Variants in NEK4 observed in about 807,000 individuals in gnomAD.
The protein encoded by NEK4 is NIMA related kinase 4, also known as serine/threonine-protein kinase Nek4.
Under a neutral mutation model 98.4 loss-of-function variants are expected in NEK4, and 86 were observed. The ratio of observed to expected loss-of-function variants is 0.87; its 90% CI spans 0.73 to 1.05. NEK4 has a LOEUF of 1.05. Ranked by LOEUF, NEK4 falls within the 50% of genes least tolerant of loss-of-function variation. The pLI, the probability that NEK4 is intolerant of heterozygous loss-of-function variation, is 0.00. For synonymous variants in NEK4, 328 were observed against 342.2 expected (o/e 0.96, Z 0.46); for missense variants, 898 against 950.3 (o/e 0.94, Z 0.72).
At chr3:52,722,731 C>T (rs1041600259) in intron 15 of NEK4, among the ~76,000 whole-genome samples, 1 of 151,772 alleles carries the variant, frequency 6.6e-6, no homozygotes, top group Non-Finnish European at 1.5e-5. Context: ...GGCGAAACCC[C>T]GTCTCTACAA....
At chr3:52,737,374 A>C (rs763377621) in intron 15 of NEK4, 2 of 465,124 alleles carry the variant, frequency 4.3e-6, no homozygotes, top group East Asian at 3.1e-5. Flanking sequence ...GACCATGGGG[A>C]GTGACTGCTA....
intron 6 of NEK4, chr3:52,753,398 G>T (rs1578682311): frequency 2.8e-6 from 1 of 353,496 alleles, no homozygotes; most frequent in African/African-American, 2.1e-5. Context: ...AAAGGTGATA[G>T]GCAGCTGGGA....
chr3:52,753,872 C>T (rs2097409982), intron 6 of NEK4: 1 of 365,412 alleles, frequency 2.7e-6, no homozygotes. Context: ...CAGACTTTAT[C>T]AAGATGGCAT....
Position 52,766,241 on chromosome 3 carries a change from G to A in NEK4, c.495C>T (p.Thr165=), listed in dbSNP as rs766829666. ...VLENHCDMAS[T]LIGTPYYMSP... ...TCATGTAGTAGGGTGTGCCAATGAG[G>A]GTGCTAGCCATGTCACAGTGGTTCT... Residue 165 remains threonine (T), a synonymous_variant, in exon 3 of 16, where the codon ACC becomes ACT. Transcript: ENST00000233027. 4.3e-6 allele frequency: 7 copies of A among 1,614,006 alleles called. No homozygotes were observed. In the South Asian group the frequency reaches 6.6e-5, roughly 15 times the overall value.
chr3:52,725,914 T>C (rs983997766), intron 15 of NEK4, among the ~76,000 whole-genome samples: 4 of 152,038 alleles, frequency 2.6e-5, no homozygotes, highest in African/African-American at 4.8e-5. Context: ...TCTCCAAAGA[T>C]AGAAATTGGC....
chr3:52,735,202 AG>A (rs1331387148), intron 15 of NEK4, among the ~76,000 whole-genome samples: 1 of 152,360 alleles, frequency 6.6e-6, no homozygotes, highest in African/African-American at 2.4e-5. Flanking sequence ...ATAGATACTA[AG>A]ATTCATCTTT....
intron 15 of NEK4, among the ~76,000 whole-genome samples, chr3:52,730,414 G>C (rs1218720106): frequency 6.6e-6 from 1 of 152,196 alleles, no homozygotes; most frequent in African/African-American, 2.4e-5. Context: ...AGGAGGAAGG[G>C]GTAATTCCTG....
intron 1 of NEK4, among the ~76,000 whole-genome samples, chr3:52,769,960 T>C (rs922181009): frequency 6.6e-6 from 1 of 152,178 alleles, no homozygotes; most frequent in African/African-American, 2.4e-5. Context: ...GGCGACCAGT[T>C]GGGAAACCGT....
chr3:52,746,134 T>G lies in NEK4; in HGVS notation c.1754A>C (p.Glu585Ala), dbSNP rs1490324543. 1 of 1,614,064 alleles carries G rather than the reference T, an allele frequency of 6.2e-7. No homozygotes were observed. Among genetic ancestry groups the G allele is most frequent in the Non-Finnish European group, 8.5e-7 (1 of 1,179,992 alleles). ...GKVDVTSTQK[E>A]AENQRRVVTG... ...GACCACTCTACGTTGGTTTTCAGCC[T>G]CTTTTTGTGTTGATGTGACATCCAC... The change falls in exon 10 of 16, where the codon GAG (glutamate) becomes GCG (alanine). Residue 585 changes from glutamate (E) to alanine (A), a missense_variant. Coordinates refer to ENST00000233027, the MANE Select transcript of NEK4 (RefSeq NM_003157.6).
At position 52,760,798 on chromosome 3, in the gene NEK4, T is replaced by C. The variant is rs1384285813; in HGVS notation, c.960A>G (p.Ile320Met). Reference protein sequence around the residue: ...PLSSEGSQTYIMGEGKCLSQE... With the variant: ...PLSSEGSQTYMMGEGKCLSQE... The stretch of plus-strand genomic sequence containing the variant: ...TACCCTTTAAAAAGAAACGTACCAT[T>C]ATATATGTCTGGGAGCCCTCAGAAG... The change falls in exon 6 of 16, where the codon ATA becomes ATG. Residue 320 changes from isoleucine (I) to methionine (M), a missense_variant. Coordinates refer to ENST00000233027, the MANE Select transcript of NEK4 (RefSeq NM_003157.6). The C allele has an allele frequency of 1.2e-6, 2 of 1,601,216 alleles. No homozygotes were observed. Among genetic ancestry groups the C allele is most frequent in the Non-Finnish European group, 1.7e-6 (2 of 1,174,816 alleles).
Position 52,744,407 on chromosome 3 carries a change from TGGATGC to T in NEK4, c.1828-108_1828-103del, listed in dbSNP as rs1578662165. On this transcript the variant is annotated intron_variant, in intron 10 of 15. Coordinates refer to ENST00000233027, the MANE Select transcript of NEK4 (RefSeq NM_003157.6). ...TCAGCATTAAGAAAAAGGTCTGAGC[TGGATGC>T]GGTGGCTCACACTTGTAATCCCAGC... The T allele has an allele frequency of 1.4e-5, 13 of 914,620 alleles. No individual in the cohort carries two copies. In the East Asian group the frequency reaches 3.2e-4, roughly 22 times the overall value. The allele number at this position is 914,620 out of a possible 1,614,324, so 56.7% of individuals were successfully genotyped here. A position where few individuals can be genotyped will look rare whatever the true frequency, so the allele number is the denominator to read the frequency against.
chr3:52,708,678 AT>A lies in NEK4; in HGVS notation c.*3098del, dbSNP rs2097347258. On this transcript the variant is annotated 3_prime_UTR_variant, in exon 16 of 16. Coordinates refer to ENST00000233027, the MANE Select transcript of NEK4 (RefSeq NM_003157.6). Reference sequence around the variant, plus strand: ...AAATTTAATAGACAAGTGATTTTGTATTTAACATTTCACCTTTATTGAATGC... The same window carrying A: ...AAATTTAATAGACAAGTGATTTTGTATTAACATTTCACCTTTATTGAATGC... The A allele has an allele frequency of 6.6e-6, 1 of 152,186 alleles. No homozygotes were observed. Among genetic ancestry groups the A allele is most frequent in the Admixed American group, 6.5e-5 (1 of 15,270 alleles). 9.4% of individuals were successfully genotyped at this position (152,186 alleles called of 1,614,324 possible).
intron 15 of NEK4, among the ~76,000 whole-genome samples, chr3:52,723,432 C>T (rs941814146): frequency 5.3e-5 from 8 of 151,688 alleles, no homozygotes; most frequent in Admixed American, 3.3e-4. Context: ...TTAGTGTAGA[C>T]GGGGTTTTAC....
chr3:52,711,757 C>G lies in NEK4; in HGVS notation c.*20G>C, dbSNP rs1561278637. 4.0e-6 allele frequency: 6 copies of G among 1,504,376 alleles called. No homozygotes were observed. Among genetic ancestry groups the G allele is most frequent in the Non-Finnish European group, 4.6e-6 (5 of 1,083,892 alleles). The allele number at this position is 1,504,376 out of a possible 1,614,324, so 93.2% of individuals were successfully genotyped here. ...TCTAAAAATAGGTCTTTAATTCTGG[C>G]AGCAGATTAGGACAAATGCTCAAAA... is the stretch of plus-strand genomic sequence containing the variant. On this transcript the variant is annotated 3_prime_UTR_variant, in exon 16 of 16. Coordinates refer to ENST00000233027, the MANE Select transcript of NEK4 (RefSeq NM_003157.6).
chr3:52,709,371 G>A lies in NEK4; in HGVS notation c.*2406C>T, dbSNP rs2097348066. The A allele has an allele frequency of 6.6e-6, 1 of 151,968 alleles. No homozygotes were observed. The highest frequency in any genetic ancestry group is 1.5e-5 in the Non-Finnish European group (1 of 67,986). The allele number at this position is 151,968 out of a possible 1,614,324, so 9.4% of individuals were successfully genotyped here. A position where few individuals can be genotyped will look rare whatever the true frequency, so the allele number is the denominator to read the frequency against. On this transcript the variant is annotated 3_prime_UTR_variant, in exon 16 of 16. Coordinates refer to ENST00000233027, the MANE Select transcript of NEK4 (RefSeq NM_003157.6). ...AACGATAAAAGTGGGAAGAAAAGAT[G>A]TTTAAACAAAATAAAAATATACAGT...
Position 52,726,735 on chromosome 3 carries a change from G to A in NEK4, c.2433+10851C>T, listed in dbSNP as rs907329189. ...TGCCTGGCCAAGATGGTGAAACCCC[G>A]TCTCTACTAAAAATACAAAAATTAT... On this transcript the variant is annotated intron_variant, in intron 15 of 15. Transcript: ENST00000233027. Among the ~76,000 whole-genome samples, 57 of 151,816 alleles carry A rather than the reference G, an allele frequency of 3.8e-4. 1 individual carries two copies. Among genetic ancestry groups the A allele is most frequent in the Admixed American group, 1.4e-3 (22 of 15,220 alleles).
chr3:52,715,399 T>C (rs1208832320), intron 15 of NEK4, among the ~76,000 whole-genome samples: 2 of 152,114 alleles, frequency 1.3e-5, no homozygotes, highest in East Asian at 3.9e-4. Flanking sequence ...TTCTCTCTCT[T>C]TTTCTGAGAC....
At chr3:52,740,470 T>A (rs562991069) in intron 13 of NEK4, among the ~76,000 whole-genome samples, 2 of 152,066 alleles carry the variant, frequency 1.3e-5, no homozygotes, top group Admixed American at 1.3e-4. Context: ...CTCAAAGACA[T>A]AGCAATAGAA....
At chr3:52,745,636 T>C (rs1362993286) in intron 10 of NEK4, among the ~76,000 whole-genome samples, 1 of 152,110 alleles carries the variant, frequency 6.6e-6, no homozygotes, top group African/African-American at 2.4e-5. Context: ...CTTCCAGTGT[T>C]TGGCAAGAAG....
Sources: gnomAD v4.1 joint callset for allele counts (sites outside exome capture counted in the v4.1 genomes callset) on GRCh38, gnomAD v4.1.1 for gene constraint, MANE v1.5 for transcripts, NCBI Gene and HGNC (gene_info 2026-07-23, HGNC 2026-07-21) for gene names.